Variants in ZNF438 observed in about 807,000 individuals in gnomAD.
The protein encoded by ZNF438 is zinc finger protein 438.
Under a neutral mutation model 38.0 loss-of-function variants are expected in ZNF438, and 25 were observed. The ratio of observed to expected loss-of-function variants is 0.66; its 90% confidence interval spans 0.48 to 0.92. ZNF438 has a LOEUF of 0.92. Among genes scored for constraint, ZNF438 ranks in the 40% least tolerant of loss-of-function variants. The pLI is 0.00. For synonymous variants in ZNF438, 372 were observed against 364.1 expected, an observed-to-expected ratio of 1.02 and a Z score of -0.25; for missense variants, 1,007 against 999.6, an observed-to-expected ratio of 1.01 and a Z score of -0.10.
rs77032653 is a variant in ZNF438, at chr10:31,023,647, T to C, written c.-192+8186A>G. On this transcript the variant is annotated intron_variant, in intron 1 of 5. Coordinates refer to ENST00000413025, the Ensembl canonical transcript of ZNF438. ...CTTCAAGAAAGGAAAAGATTGTTCT[T>C]TGGCTCTAGTCCTAAGCTGGAAACA... Among the ~76,000 whole-genome samples, 549 of 152,322 alleles carry C rather than the reference T, an allele frequency of 3.6e-3. 7 individuals are homozygous for C. The highest frequency in any genetic ancestry group is 0.012 in the African/African-American group (508 of 41,562).
chr10:30,945,309 AT>A (rs2047260025), intron 1 of ZNF438, among the ~76,000 whole-genome samples: 1 of 149,558 alleles, frequency 6.7e-6, no homozygotes, highest in Admixed American at 6.6e-5. Context: ...TTTGAAGTTT[AT>A]TTTATTGGCT....
At chr10:30,913,373 C>T (rs2043270125) in intron 2 of ZNF438, among the ~76,000 whole-genome samples, 1 of 151,994 alleles carries the variant, frequency 6.6e-6, no homozygotes, top group Non-Finnish European at 1.5e-5. Context: ...TTGCTTTGCT[C>T]CTTCCCACCA....
intron 1 of ZNF438, among the ~76,000 whole-genome samples, chr10:30,973,195 A>C (rs1028899267): frequency 6.6e-6 from 1 of 152,234 alleles, no homozygotes; most frequent in African/African-American, 2.4e-5. Flanking sequence ...CTCAGAACAC[A>C]GTCAATCCCA....
chr10:30,861,115 G>A (rs930601513), intron 4 of ZNF438, among the ~76,000 whole-genome samples: 8 of 152,146 alleles, frequency 5.3e-5, no homozygotes, highest in African/African-American at 1.9e-4. Flanking sequence ...TTCCTCCACA[G>A]GACAATGACC....
chr10:30,963,392 CAAAAAAAAAAAAA>C (rs753557823), intron 1 of ZNF438, among the ~76,000 whole-genome samples: 1 of 86,056 alleles, frequency 1.2e-5, no homozygotes, highest in Admixed American at 1.4e-4. Context: ...AACTCCATCT[CAAAAAAAAAAAAA>C]AAAAAAAAGA....
chr10:31,003,389 T>C (rs941247969), intron 1 of ZNF438, among the ~76,000 whole-genome samples: 1 of 152,180 alleles, frequency 6.6e-6, no homozygotes, highest in African/African-American at 2.4e-5. Flanking sequence ...TGCTTACTCT[T>C]CCCGTTGGGT....
At chr10:31,024,523 G>A (rs1738401590) in intron 1 of ZNF438, among the ~76,000 whole-genome samples, 1 of 152,160 alleles carries the variant, frequency 6.6e-6, no homozygotes, top group Non-Finnish European at 1.5e-5. Context: ...AGCTACTAGG[G>A]AGGCTGAGGC....
chr10:30,860,164 CATCGG>C (rs2035338408), intron 4 of ZNF438, among the ~76,000 whole-genome samples: 1 of 152,180 alleles, frequency 6.6e-6, no homozygotes, highest in East Asian at 1.9e-4. Context: ...GATTGTAGGT[CATCGG>C]ACCCGCATTC....
Position 30,872,578 on chromosome 10 carries a change from G to A in ZNF438, c.37+4420C>T, listed in dbSNP as rs868482531. ...AACCTGGCTAACATGGTGAAACCCC[G>A]TCTTGACTAAAAATACAAAAAATTA... On this transcript the variant is annotated intron_variant, in intron 4 of 5. Coordinates refer to ENST00000413025, the Ensembl canonical transcript of ZNF438. 1.5e-4 allele frequency among the ~76,000 whole-genome samples: 22 copies of A among 150,122 alleles called. 1 individual carries two copies. Among genetic ancestry groups the A allele is most frequent in the Non-Finnish European group, 2.5e-4 (17 of 67,596 alleles).
chr10:30,982,256 C>A (rs1445367968), intron 1 of ZNF438, among the ~76,000 whole-genome samples: 2 of 151,950 alleles, frequency 1.3e-5, no homozygotes, highest in African/African-American at 2.4e-5. Context: ...CACCTGCCAC[C>A]ACGCCTGGCT....
At chr10:30,855,778 C>A (rs763799715) in intron 4 of ZNF438, among the ~76,000 whole-genome samples, 5 of 152,210 alleles carry the variant, frequency 3.3e-5, no homozygotes, top group Admixed American at 6.5e-5. Flanking sequence ...GTACAGTATG[C>A]TATCACTTGG....
intron 1 of ZNF438, among the ~76,000 whole-genome samples, chr10:30,967,271 A>G (rs1343179473): frequency 6.6e-6 from 1 of 152,214 alleles, no homozygotes; most frequent in East Asian, 1.9e-4. Flanking sequence ...GCCAGTATAT[A>G]CTTTTAAAAC....
chr10:30,848,821 T>A, exon 5 of ZNF438: 1 of 1,614,220 alleles, frequency 6.2e-7, no homozygotes, highest in Non-Finnish European at 8.5e-7. Flanking sequence ...TGTTGGTGTG[T>A]GTATTCATGT....
chr10:30,946,175 C>A (rs2047386725), intron 1 of ZNF438, among the ~76,000 whole-genome samples: 1 of 152,092 alleles, frequency 6.6e-6, no homozygotes, highest in Non-Finnish European at 1.5e-5. Flanking sequence ...ATTTTTTACA[C>A]CTTATACAAA....
At chr10:30,941,120 G>C (rs2046777524) in intron 2 of ZNF438, among the ~76,000 whole-genome samples, 1 of 150,334 alleles carries the variant, frequency 6.7e-6, no homozygotes, top group South Asian at 2.1e-4. Flanking sequence ...TGCCCAGGCT[G>C]GACTGCAGTA....
At chr10:30,948,922 A>G (rs2047793477) in intron 1 of ZNF438, among the ~76,000 whole-genome samples, 3 of 152,222 alleles carry the variant, frequency 2.0e-5, no homozygotes, top group Middle Eastern at 3.4e-3. Context: ...ACTCCTCAAG[A>G]AGAGCAACTC....
chr10:30,861,085 T>G (rs1446548999), intron 4 of ZNF438, among the ~76,000 whole-genome samples: 1 of 152,204 alleles, frequency 6.6e-6, no homozygotes, highest in African/African-American at 2.4e-5. Context: ...AGTTGTCCCT[T>G]ACCATCTGTG....
intron 1 of ZNF438, among the ~76,000 whole-genome samples, chr10:31,021,786 A>G (rs938566383): frequency 1.3e-5 from 2 of 152,198 alleles, no homozygotes; most frequent in African/African-American, 4.8e-5. Flanking sequence ...ACCACAATAC[A>G]GTGGTGGTTC....
At chr10:31,003,030 G>A (rs1401501467) in intron 1 of ZNF438, among the ~76,000 whole-genome samples, 2 of 152,152 alleles carry the variant, frequency 1.3e-5, no homozygotes, top group East Asian at 3.9e-4. Context: ...AATTAGCAAA[G>A]GGGGCTCAGT....
Sources: gnomAD v4.1 joint callset for allele counts (sites outside exome capture counted in the v4.1 genomes callset) on GRCh38, gnomAD v4.1.1 for gene constraint, MANE v1.5 for transcripts, NCBI Gene and HGNC (gene_info 2026-07-23, HGNC 2026-07-21) for gene names.